The following HDLBP variants were observed in gnomAD, a reference collection of about 807,000 sequenced individuals.
HDLBP encodes the protein vigilin.
In HDLBP, 30 loss-of-function variants were observed where a neutral mutation model predicts 137.3. The ratio of observed to expected loss-of-function variants is 0.22; its 90% confidence interval spans 0.16 to 0.30. The LOEUF (loss-of-function observed/expected upper bound fraction) is 0.30, where lower values mean the gene tolerates loss of function less well. Ranked by LOEUF, HDLBP falls within the 10% of genes least tolerant of loss-of-function variation. The pLI, the probability that HDLBP is intolerant of heterozygous loss-of-function variation, is 1.00. For missense variants in HDLBP, 1,119 were observed against 1,667.3 expected (o/e 0.67, Z 5.73); for synonymous variants, 606 against 596.0 (o/e 1.02, Z -0.24).
chr2:241,306,868 A>T (rs2075595065), intron 1 of HDLBP, among the ~76,000 whole-genome samples: 1 of 148,030 alleles, frequency 6.8e-6, no homozygotes, highest in African/African-American at 2.5e-5. Context: ...GGTGACAGGG[A>T]GAGACTCTGT....
rs1425968185 is a variant in HDLBP at position 241,256,352 on chromosome 2, G to A, written c.705C>T (p.Pro235=). The A allele has an allele frequency of 6.2e-7, 1 of 1,613,802 alleles. No individual in the cohort carries two copies. Among genetic ancestry groups the A allele is most frequent in the Non-Finnish European group, 8.5e-7 (1 of 1,179,770 alleles). The change falls in exon 7 of 28, where the codon CCC becomes CCT. Residue 235 remains proline (P), a synonymous_variant. Transcript: ENST00000310931. ...GTCTATTATACGGCCCAGCGATGAA[G>A]GGGTGGAATGCCTTTTCTACTTCTA... ...ERLEVEKAFH[P]FIAGPYNRLV...
rs868437120 is a variant in HDLBP, at chr2:241,273,727, G to A, written c.-102-5186C>T. ...CGTCCCACACAGGGGAAGAGGTAGGGGCACACCCAGCCTTACCCAGGGAAT... is the reference window on the plus strand; with the variant it reads ...CGTCCCACACAGGGGAAGAGGTAGGAGCACACCCAGCCTTACCCAGGGAAT... On this transcript the variant is annotated intron_variant, in intron 1 of 27. Transcript: ENST00000310931. 15 of 932,576 alleles carry A rather than the reference G, an allele frequency of 1.6e-5. No individual in the cohort carries two copies. The African/African-American group carries it at 2.3e-4, about 14-fold the overall frequency. 57.8% of individuals were successfully genotyped at this position (932,576 alleles called of 1,614,324 possible). A position where few individuals can be genotyped will look rare whatever the true frequency, so the allele number is the denominator to read the frequency against.
At chr2:241,307,078 C>T (rs931367961) in intron 1 of HDLBP, among the ~76,000 whole-genome samples, 2 of 9,900 alleles carry the variant, frequency 2.0e-4, no homozygotes, top group South Asian at 2.6e-3. Context: ...TTTTGGGGGG[C>T]GGGGGGGACA....
chr2:241,307,630 T>C (rs939867597), intron 1 of HDLBP, among the ~76,000 whole-genome samples: 7 of 152,232 alleles, frequency 4.6e-5, no homozygotes, highest in Non-Finnish European at 8.8e-5. Flanking sequence ...AAATATATTC[T>C]AAACTGTATC....
At position 241,233,162 on chromosome 2, in the gene HDLBP, A is replaced by G. The variant is rs2069982652; in HGVS notation, c.3288+658T>C. Among the ~76,000 whole-genome samples, 1 of 152,184 alleles carries G rather than the reference A, an allele frequency of 6.6e-6. No homozygotes were observed. Among genetic ancestry groups the G allele is most frequent in the Non-Finnish European group, 1.5e-5 (1 of 68,038 alleles). On this transcript the variant is annotated intron_variant, in intron 24 of 27. Transcript: ENST00000310931. The surrounding 1 kb of genome is among the most constrained non-coding windows in gnomAD (Gnocchi z 4.3). ...GGGCAAAGCTGTGCTGGACACGCCT[A>G]GGAAGCAGACACCCCAGCAGGATGC... is the stretch of plus-strand genomic sequence containing the variant.
chr2:241,299,942 T>C (rs2075333503), intron 1 of HDLBP, among the ~76,000 whole-genome samples: 1 of 152,096 alleles, frequency 6.6e-6, no homozygotes, highest in African/African-American at 2.4e-5. Flanking sequence ...ATTTTGACTA[T>C]ATCTGTTTAA....
rs920931162 is a variant in HDLBP, at chr2:241,228,890, A to C, written c.*711T>G. 2 of 152,782 alleles carry C rather than the reference A, an allele frequency of 1.3e-5. No homozygotes were observed. Among genetic ancestry groups the C allele is most frequent in the African/African-American group, 2.4e-5 (1 of 41,438 alleles). 9.5% of individuals were successfully genotyped at this position (152,782 alleles called of 1,614,324 possible). A position where few individuals can be genotyped will look rare whatever the true frequency, so the allele number is the denominator to read the frequency against. Reference sequence around the variant, plus strand: ...GCCACAGGGGACCCAGATGGTGCCTACCACCTTGCCTCCAGGCTCCACTCA... The same window carrying C: ...GCCACAGGGGACCCAGATGGTGCCTCCCACCTTGCCTCCAGGCTCCACTCA... On this transcript the variant is annotated 3_prime_UTR_variant, in exon 28 of 28. Transcript: ENST00000310931.
rs372917238 is a variant in HDLBP at position 241,255,383 on chromosome 2, G to A, written c.1071C>T (p.Val357=). The A allele has an allele frequency of 1.9e-5, 30 of 1,613,912 alleles. No individual in the cohort carries two copies. The East Asian group carries it at 4.0e-4, about 22-fold the overall frequency. Residue 357 remains valine (V), a synonymous_variant, in exon 8 of 28, where the codon GTC becomes GTT. Coordinates refer to ENST00000310931, the MANE Select transcript of HDLBP (RefSeq NM_005336.6). Reference sequence around the variant, plus strand: ...GCTCGGAGGCAGTTACCTTGGCATAGACTTCAGTCAACGCCTGACCTAACT... The same window carrying A: ...GCTCGGAGGCAGTTACCTTGGCATAAACTTCAGTCAACGCCTGACCTAACT... ...PEKLGQALTE[V]YAKANSFTVS...
In HDLBP at chr2:241,246,880, G is replaced by T; in HGVS notation, c.1822C>A (p.Arg608Ser). Residue 608 changes from arginine (R) to serine (S), a missense_variant, in exon 16 of 28, where the codon CGT becomes AGT. Coordinates refer to ENST00000310931, the MANE Select transcript of HDLBP (RefSeq NM_005336.6). ...TCGATTTTGGTGTTGCTTTCTTCACGAATCTACAGGGAGAGAGATCACCAT... is the reference window on the plus strand; with the variant it reads ...TCGATTTTGGTGTTGCTTTCTTCACTAATCTACAGGGAGAGAGATCACCAT... ...GKGGANIKKI[R>S]EESNTKIDLP... The T allele has an allele frequency of 6.2e-7, 1 of 1,614,034 alleles. No homozygotes were observed. Among genetic ancestry groups the T allele is most frequent in the Non-Finnish European group, 8.5e-7 (1 of 1,179,922 alleles).
rs193055583 is a variant in HDLBP, at chr2:241,299,771, C to T, written c.-103+15799G>A. 8.5e-4 allele frequency among the ~76,000 whole-genome samples: 129 copies of T among 151,938 alleles called. 1 individual carries two copies. The highest frequency in any genetic ancestry group is 2.8e-3 in the African/African-American group (116 of 41,424). ...TCTACTAAAAACACAAAAAATTAGC[C>T]GCACATGATGGCGGGCACCCATAGT... On this transcript the variant is annotated intron_variant, in intron 1 of 27. Coordinates refer to ENST00000310931, the MANE Select transcript of HDLBP (RefSeq NM_005336.6).
At chr2:241,303,825 T>C (rs535357995) in intron 1 of HDLBP, among the ~76,000 whole-genome samples, 1 of 152,350 alleles carries the variant, frequency 6.6e-6, no homozygotes, top group Admixed American at 6.5e-5. Context: ...CTTCTTTTTT[T>C]GGAGACGGAG....
chr2:241,271,915 ACCAAGTTCTGGAAGTCGGCAC>A (rs1371027392), intron 1 of HDLBP: 1 of 152,316 alleles, frequency 6.6e-6, no homozygotes, highest in Non-Finnish European at 1.5e-5. Context: ...CGCACTTCTC[ACCAAGTTCTGGAAGTCGGCAC>A]CCATCCTGCA....
chr2:241,261,102 G>A (rs930900488), intron 5 of HDLBP, among the ~76,000 whole-genome samples: 7 of 150,904 alleles, frequency 4.6e-5, no homozygotes, highest in Admixed American at 4.6e-4. Context: ...GGCTGAGTCA[G>A]GAGGATCACT....
intron 12 of HDLBP, among the ~76,000 whole-genome samples, chr2:241,248,943 A>C (rs991529242): frequency 1.3e-5 from 2 of 152,158 alleles, no homozygotes; most frequent in African/African-American, 4.8e-5. Flanking sequence ...CATTTCCAAG[A>C]ATTCTGAGAG....
chr2:241,270,416 A>G (rs2073963109), intron 1 of HDLBP, among the ~76,000 whole-genome samples: 1 of 152,214 alleles, frequency 6.6e-6, no homozygotes. Context: ...TCACAACTAG[A>G]GACACATTTA....
At chr2:241,263,634 G>T (rs770570782) in intron 4 of HDLBP, among the ~76,000 whole-genome samples, 5 of 152,112 alleles carry the variant, frequency 3.3e-5, no homozygotes, top group Non-Finnish European at 5.9e-5. Context: ...AAAATTCAGG[G>T]AAGACACTGG....
intron 1 of HDLBP, among the ~76,000 whole-genome samples, chr2:241,304,230 A>G (rs2075494403): frequency 6.6e-6 from 1 of 152,266 alleles, no homozygotes; most frequent in Admixed American, 6.5e-5. Context: ...CTGCTAAGCC[A>G]TAGGGATCCA....
In HDLBP at chr2:241,262,686, G is replaced by A. The variant is rs77597417; in HGVS notation, c.450+25C>T. The A allele has an allele frequency of 1.8e-4, 275 of 1,561,976 alleles. No homozygotes were observed. In the East Asian group the frequency reaches 4.8e-3, roughly 27 times the overall value. On this transcript the variant is annotated intron_variant, in intron 5 of 27. Coordinates refer to ENST00000310931, the MANE Select transcript of HDLBP (RefSeq NM_005336.6). ...ATGGAACGGGTACACAGTCACTGGGGAGAAGTAGGCCTCAGGCTACCCACC... is the reference window on the plus strand; with the variant it reads ...ATGGAACGGGTACACAGTCACTGGGAAGAAGTAGGCCTCAGGCTACCCACC...
chr2:241,242,205 C>T (rs2071306710), intron 17 of HDLBP, among the ~76,000 whole-genome samples: 1 of 152,156 alleles, frequency 6.6e-6, no homozygotes, highest in Non-Finnish European at 1.5e-5. Context: ...TACTGTAAAT[C>T]ATATTTAAAA....
Sources: allele counts gnomAD v4.1 joint callset (sites outside exome capture counted in the v4.1 genomes callset), GRCh38; gene constraint gnomAD v4.1.1; non-coding constraint Gnocchi (gnomAD v3.1); transcripts MANE v1.5; gene names NCBI Gene and HGNC (gene_info 2026-07-23, HGNC 2026-07-21).